LIX1: variants seen among roughly 807,000 people sequenced by gnomAD.
The protein encoded by LIX1 is protein limb expression 1 homolog.
Under a neutral mutation model 33.4 loss-of-function variants are expected in LIX1, and 24 were observed. That is an observed-to-expected ratio of 0.72 (90% CI 0.52 to 1.01). The LOEUF (loss-of-function observed/expected upper bound fraction) is 1.01. Among genes scored for constraint, LIX1 ranks in the 50% least tolerant of loss-of-function variants. The probability of loss-of-function intolerance (pLI) is 0.00; values close to 1 mark genes in which losing one functional copy is unlikely to be tolerated. For missense variants in LIX1, 311 were observed against 339.2 expected (o/e 0.92, Z 0.65); for synonymous variants, 124 against 124.0 (o/e 1.00, Z 0.00).
chr5:97,137,038 C>T (rs1748186777), intron 1 of LIX1: 1 of 381,040 alleles, frequency 2.6e-6, no homozygotes, highest in Non-Finnish European at 5.1e-6. Context: ...TTTCTTAAAT[C>T]AATCTGTAGC....
chr5:97,102,941 A>G (rs1580208441), intron 4 of LIX1: 1 of 392,204 alleles, frequency 2.5e-6, no homozygotes, highest in East Asian at 7.4e-5. Context: ...TAGGGGAAGC[A>G]TTATGCCAGA....
At chr5:97,102,540 T>A (rs1746765429) in intron 4 of LIX1, among the ~76,000 whole-genome samples, 1 of 152,156 alleles carries the variant, frequency 6.6e-6, no homozygotes, top group Non-Finnish European at 1.5e-5. Flanking sequence ...TTTGTCTCCA[T>A]CCTGTATCCA....
At chr5:97,118,445 G>A (rs1747691783) in intron 2 of LIX1, among the ~76,000 whole-genome samples, 1 of 152,150 alleles carries the variant, frequency 6.6e-6, no homozygotes, top group Admixed American at 6.6e-5. Context: ...TTCCTTCTGA[G>A]TTCATCAAGA....
intron 3 of LIX1, among the ~76,000 whole-genome samples, chr5:97,106,044 C>T (rs534705023): frequency 1.3e-5 from 2 of 152,354 alleles, no homozygotes; most frequent in East Asian, 1.9e-4. Flanking sequence ...AACATTAACA[C>T]ACTGCTGCTG....
At chr5:97,129,974 CA>C (rs1280690715) in intron 1 of LIX1, among the ~76,000 whole-genome samples, 3 of 152,184 alleles carry the variant, frequency 2.0e-5, no homozygotes, top group Non-Finnish European at 2.9e-5. Flanking sequence ...TGCACATTTT[CA>C]AACAAGTCAT....
chr5:97,140,622 T>G (rs1748267349), intron 1 of LIX1, among the ~76,000 whole-genome samples: 1 of 152,240 alleles, frequency 6.6e-6, no homozygotes, highest in Admixed American at 6.5e-5. Context: ...CCAGACAGAC[T>G]TTTAATGTCC....
At chr5:97,124,130 A>G (rs1747852212) in intron 2 of LIX1, among the ~76,000 whole-genome samples, 1 of 152,182 alleles carries the variant, frequency 6.6e-6, no homozygotes, top group African/African-American at 2.4e-5. Flanking sequence ...AGTTCTGTAG[A>G]CTTACACTAC....
intron 2 of LIX1, among the ~76,000 whole-genome samples, chr5:97,123,003 G>A (rs988764979): frequency 1.2e-4 from 18 of 152,116 alleles, no homozygotes; most frequent in African/African-American, 3.9e-4. Flanking sequence ...GTGGCTGACC[G>A]CTGCTCACTT....
At chr5:97,105,844 A>G (rs1488647354) in intron 3 of LIX1, among the ~76,000 whole-genome samples, 1 of 152,218 alleles carries the variant, frequency 6.6e-6, no homozygotes, top group Non-Finnish European at 1.5e-5. Context: ...GGTAGAAATG[A>G]AATTCCCTTT....
intron 4 of LIX1, among the ~76,000 whole-genome samples, chr5:97,099,528 C>T (rs1277314341): frequency 6.6e-6 from 1 of 152,098 alleles, no homozygotes; most frequent in East Asian, 1.9e-4. Flanking sequence ...TGTGTATGTC[C>T]ATTTTTAGAA....
intron 4 of LIX1, among the ~76,000 whole-genome samples, chr5:97,100,259 T>C (rs951875302): frequency 6.6e-6 from 1 of 152,222 alleles, no homozygotes; most frequent in African/African-American, 2.4e-5. Context: ...CCAAAGAGAC[T>C]TGAACTGCTT....
intron 1 of LIX1, among the ~76,000 whole-genome samples, chr5:97,127,075 T>A (rs919292641): frequency 1.3e-5 from 2 of 152,224 alleles, no homozygotes; most frequent in African/African-American, 4.8e-5. Context: ...GCTAGCTGAC[T>A]TGAGTCTCTG....
chr5:97,124,394 C>T (rs1747857955), intron 2 of LIX1, 72 bp downstream of exon 2: 1 of 1,289,118 alleles, frequency 7.8e-7, no homozygotes, highest in South Asian at 1.6e-5. Context: ...TGTAATGTTA[C>T]CAGTTTACAA....
At chr5:97,102,959 T>A in intron 4 of LIX1, 13 of 412,592 alleles carry the variant, frequency 3.2e-5, no homozygotes, top group South Asian at 2.3e-4. Context: ...AGATGCTTTA[T>A]AAATGTTACA....
chr5:97,110,078 T>C (rs1338610440), intron 2 of LIX1, among the ~76,000 whole-genome samples: 1 of 152,222 alleles, frequency 6.6e-6, no homozygotes, highest in East Asian at 1.9e-4. Flanking sequence ...ATAATGACAT[T>C]TTTTTCTTTG....
Position 97,107,358 on chromosome 5 carries a change from A to T in LIX1, c.387+2T>A. The T allele has an allele frequency of 6.2e-7, 1 of 1,611,952 alleles. No individual in the cohort carries two copies. The highest frequency in any genetic ancestry group is 8.5e-7 in the Non-Finnish European group (1 of 1,179,870). Reference sequence around the variant, plus strand: ...CTCCTGCCCTCCATGGTGGGTACTCACGCTGGTGGAGGCTACTGCTTCCTG... The same window carrying T: ...CTCCTGCCCTCCATGGTGGGTACTCTCGCTGGTGGAGGCTACTGCTTCCTG... On this transcript the variant is annotated splice_donor_variant, in intron 3 of 5. Coordinates refer to ENST00000274382, the MANE Select transcript of LIX1 (RefSeq NM_153234.5). LOFTEE classifies it high-confidence loss of function.
In LIX1 at chr5:97,141,211, C is replaced by T. The variant is rs539232830; in HGVS notation, c.82+1284G>A. On this transcript the variant is annotated intron_variant, in intron 1 of 5. Transcript: ENST00000274382. ...CAATTTATCCAAAGCTTGGGCAGCC[C>T]GAGAGCCCTTTTATCCCTCACTAGT... Among the ~76,000 whole-genome samples the T allele has an allele frequency of 4.5e-4, 69 of 152,110 alleles. 2 individuals are homozygous for T. Among genetic ancestry groups the T allele is most frequent in the Admixed American group, 1.8e-3 (27 of 15,266 alleles).
In LIX1 at chr5:97,091,987, T is replaced by C. The variant is rs1470449002; in HGVS notation, c.*2761A>G. 1.3e-5 allele frequency: 2 copies of C among 152,360 alleles called. No homozygotes were observed. Among genetic ancestry groups the C allele is most frequent in the African/African-American group, 4.8e-5 (2 of 41,450 alleles). 9.4% of individuals were successfully genotyped at this position (152,360 alleles called of 1,614,324 possible). A position where few individuals can be genotyped will look rare whatever the true frequency, so the allele number is the denominator to read the frequency against. ...ACAATAATATGGTAAATTTGGATTT[T>C]GTGGAACTTAAACTATCTCATGTCA... On this transcript the variant is annotated 3_prime_UTR_variant, in exon 6 of 6. Coordinates refer to ENST00000274382, the MANE Select transcript of LIX1 (RefSeq NM_153234.5).
intron 1 of LIX1, among the ~76,000 whole-genome samples, chr5:97,141,757 G>A (rs536883273): frequency 6.6e-6 from 1 of 152,332 alleles, no homozygotes; most frequent in East Asian, 1.9e-4. Context: ...CATGAAGATA[G>A]TCTGTTTTGC....
Sources: allele counts gnomAD v4.1 joint callset (sites outside exome capture counted in the v4.1 genomes callset), GRCh38; gene constraint gnomAD v4.1.1; transcripts MANE v1.5; gene names NCBI Gene and HGNC (gene_info 2026-07-23, HGNC 2026-07-21).